The following POMT1 variants were observed in gnomAD, a reference collection of about 807,000 sequenced individuals.
The protein encoded by POMT1 is protein O-mannosyltransferase 1.
POMT1 carries 85 observed loss-of-function variants against 101.6 expected under a neutral mutation model. That is an observed-to-expected ratio of 0.84 (90% CI 0.70 to 1.00). The LOEUF (loss-of-function observed/expected upper bound fraction) is 1.00, where lower values mean the gene tolerates loss of function less well. POMT1 is among the 50% of genes least tolerant of loss of function. The pLI is 0.00. For synonymous variants in POMT1, 371 were observed against 383.0 expected (o/e 0.97, Z 0.37); for missense variants, 857 against 930.4 (o/e 0.92, Z 1.03).
intron 5 of POMT1, among the ~76,000 whole-genome samples, chr9:131,507,735 G>A (rs372677764): frequency 7.2e-5 from 11 of 152,200 alleles, no homozygotes; most frequent in South Asian, 2.1e-4. Context: ...TATGGCAGTA[G>A]AAAACTGCCC....
chr9:131,515,177 G>T (rs995395436), intron 12 of POMT1, among the ~76,000 whole-genome samples: 4 of 152,198 alleles, frequency 2.6e-5, no homozygotes, highest in Admixed American at 1.3e-4. Flanking sequence ...CAGGTGGAAG[G>T]TTCCACAGCA....
At position 131,511,422 on chromosome 9, in the gene POMT1, C is replaced by G. The variant is rs1350242052; in HGVS notation, c.941C>G (p.Pro314Arg). The G allele has an allele frequency of 6.2e-7, 1 of 1,614,216 alleles. No individual in the cohort carries two copies. Among genetic ancestry groups the G allele is most frequent in the African/African-American group, 1.3e-5 (1 of 75,066 alleles). ...QVTLRNVFGK[P>R]VPCWLHSHQD... ...ACTCTGAGGAACGTCTTTGGGAAAC[C>G]TGTGCCCTGCTGGCTTCATTCCCAC... The change falls in exon 10 of 20, where the codon CCT becomes CGT. Residue 314 changes from proline to arginine, a missense_variant. Pro to Arg is a moderately radical substitution (Grantham distance 103). Coordinates refer to ENST00000402686, the MANE Select transcript of POMT1 (RefSeq NM_001077365.2).
Position 131,504,414 on chromosome 9 carries a change from G to A in POMT1, c.122+74G>A, listed in dbSNP as rs143225437. 20 of 1,607,870 alleles carry A rather than the reference G, an allele frequency of 1.2e-5. No homozygotes were observed. In the East Asian group the frequency reaches 2.5e-4, roughly 20 times the overall value. On this transcript the variant is annotated intron_variant, in intron 2 of 19. Transcript: ENST00000402686. The stretch of plus-strand genomic sequence containing the variant: ...TGACAGGAGGCGCCCTTACTGAATA[G>A]CATAAATGGGAGAGTGAAATCCTGG...
intron 12 of POMT1, among the ~76,000 whole-genome samples, chr9:131,515,053 G>A (rs951461211): frequency 3.3e-5 from 5 of 152,236 alleles, no homozygotes; most frequent in African/African-American, 7.2e-5. Flanking sequence ...GCGCAGGGGC[G>A]GGCAGCTCAG....
intron 13 of POMT1, among the ~76,000 whole-genome samples, chr9:131,517,232 G>GT (rs1380339699): frequency 1.1e-4 from 9 of 82,342 alleles, no homozygotes; most frequent in Non-Finnish European, 2.4e-4. Context: ...ATCTGCTGAT[G>GT]TTCTTTTTTT....
chr9:131,520,278 C>A, intron 17 of POMT1, 85 bp downstream of exon 17: 1 of 1,165,826 alleles, frequency 8.6e-7, no homozygotes, highest in Non-Finnish European at 1.3e-6. Context: ...CCGCTGCACC[C>A]TAGAAAGTGC....
chr9:131,518,099 T>C (rs977136469), intron 13 of POMT1: 32 of 388,296 alleles, frequency 8.2e-5, no homozygotes, highest in African/African-American at 6.3e-4. Flanking sequence ...TCCTGCCAGA[T>C]AGGGACTGAG....
At chr9:131,507,859 T>C (rs1946198470) in intron 5 of POMT1, among the ~76,000 whole-genome samples, 1 of 152,188 alleles carries the variant, frequency 6.6e-6, no homozygotes, top group Non-Finnish European at 1.5e-5. Flanking sequence ...CCAATTGAGA[T>C]GGACTCGTGA....
Position 131,504,226 on chromosome 9 carries a change from G to A in POMT1, c.8G>A (p.Gly3Glu), listed in dbSNP as rs975217678. Reference sequence around the variant, plus strand: ...AGCCCGCTTTTCTACAAGATGTGGGGATTTTTGAAGCGCCCTGTAGTGGTG... The same window carrying A: ...AGCCCGCTTTTCTACAAGATGTGGGAATTTTTGAAGCGCCCTGTAGTGGTG... MW[G>E]FLKRPVVVTA... Residue 3 changes from glycine to glutamate, a missense_variant, in exon 2 of 20, where the codon GGA becomes GAA. Gly to Glu is a moderately conservative substitution (Grantham distance 98, BLOSUM62 -2). Transcript: ENST00000402686. 1 of 1,614,130 alleles carries A rather than the reference G, an allele frequency of 6.2e-7. No homozygotes were observed. The highest frequency in any genetic ancestry group is 1.3e-5 in the African/African-American group (1 of 75,032).
Position 131,510,310 on chromosome 9 carries a change from C to A in POMT1, c.750C>A (p.Ile250=), listed in dbSNP as rs768199793. The A allele has an allele frequency of 6.2e-7, 1 of 1,614,212 alleles. No individual in the cohort carries two copies. The highest frequency in any genetic ancestry group is 8.5e-7 in the Non-Finnish European group (1 of 1,180,038). The change falls in exon 9 of 20, where the codon ATC becomes ATA. Residue 250 remains isoleucine, a synonymous_variant. Coordinates refer to ENST00000402686, the MANE Select transcript of POMT1 (RefSeq NM_001077365.2). ...LLARAVALLV[I]PVVLYLLFFY... ...CCCGAGCAGTGGCTTTGCTGGTCATCCCGGTCGTCCTGTACTTACTGTTCT... is the reference window on the plus strand; with the variant it reads ...CCCGAGCAGTGGCTTTGCTGGTCATACCGGTCGTCCTGTACTTACTGTTCT...
chr9:131,523,457 C>G lies in POMT1; in HGVS notation c.*351C>G. 1 of 343,864 alleles carries G rather than the reference C, an allele frequency of 2.9e-6. No individual in the cohort carries two copies. Among genetic ancestry groups the G allele is most frequent in the Middle Eastern group, 1.0e-3 (1 of 972 alleles). The allele number at this position is 343,864 out of a possible 1,614,324, so 21.3% of individuals were successfully genotyped here. ...ACCAGGGCCTGGTCCTTGCTAACTG[C>G]TGCAGGGTGGAGTTTGATCTGGCAG... is the stretch of plus-strand genomic sequence containing the variant. On this transcript the variant is annotated 3_prime_UTR_variant, in exon 20 of 20. Transcript: ENST00000402686.
At chr9:131,514,419 C>T (rs1430958558) in intron 12 of POMT1, among the ~76,000 whole-genome samples, 1 of 152,262 alleles carries the variant, frequency 6.6e-6, no homozygotes, top group Non-Finnish European at 1.5e-5. Context: ...TCCCCCATGG[C>T]CCCTCTATGT....
chr9:131,521,605 C>A, intron 18 of POMT1, 133 bp downstream of exon 18: 2 of 1,109,616 alleles, frequency 1.8e-6, no homozygotes, highest in Non-Finnish European at 2.6e-6. Flanking sequence ...GCTAGGATTA[C>A]AGGTGTGCGC....
At position 131,522,924 on chromosome 9, in the gene POMT1, C is replaced by T. The variant is rs1950257826; in HGVS notation, c.2004-8C>T. The T allele has an allele frequency of 1.3e-6, 2 of 1,580,966 alleles. No individual in the cohort carries two copies. The highest frequency in any genetic ancestry group is 4.6e-5 in the East Asian group (2 of 43,828). Reference sequence around the variant, plus strand: ...CCACCCTCCCCCACGCTGCTCTGACCTCTGCAGGTCCCAGCTCCAGAGGAG... The same window carrying T: ...CCACCCTCCCCCACGCTGCTCTGACTTCTGCAGGTCCCAGCTCCAGAGGAG... On this transcript the variant is annotated splice_polypyrimidine_tract_variant and splice_region_variant and intron_variant, in intron 19 of 19. Transcript: ENST00000402686. The surrounding 1 kb of genome is among the most constrained non-coding windows in gnomAD (Gnocchi z 5.5).
At chr9:131,504,747 A>ATATATGTGTGTGTG (rs56692415) in intron 2 of POMT1, among the ~76,000 whole-genome samples, 3 of 122,700 alleles carry the variant, frequency 2.4e-5, no homozygotes, top group Non-Finnish European at 5.0e-5. Context: ...TAACTGATTA[A>ATATATGTGTGTGTG]TGTGTGTATG....
rs376753193 is a variant in POMT1, at chr9:131,504,345, G to A, written c.122+5G>A. On this transcript the variant is annotated splice_donor_5th_base_variant and intron_variant, in intron 2 of 19. Coordinates refer to ENST00000402686, the MANE Select transcript of POMT1 (RefSeq NM_001077365.2). ...CACCTACCCGCGGGCTGTGGTGTAA[G>A]CTAAATGACTCCATTCCCAGGGTGA... The A allele has an allele frequency of 1.7e-5, 27 of 1,614,214 alleles. No individual in the cohort carries two copies. Among genetic ancestry groups the A allele is most frequent in the Non-Finnish European group, 2.2e-5 (26 of 1,180,034 alleles).
intron 17 of POMT1, among the ~76,000 whole-genome samples, chr9:131,520,836 T>C (rs2131894016): frequency 6.6e-6 from 1 of 152,244 alleles, no homozygotes; most frequent in South Asian, 2.1e-4. Context: ...GCTGTGTGTG[T>C]GTGTGTATGT....
intron 5 of POMT1, among the ~76,000 whole-genome samples, chr9:131,508,622 C>T (rs1222194391): frequency 6.6e-6 from 1 of 152,174 alleles, no homozygotes; most frequent in Non-Finnish European, 1.5e-5. Context: ...TCCCTTGAGC[C>T]CTGGTGGTCA....
At chr9:131,510,220 C>G (rs1327409191) in intron 8 of POMT1, 40 bp from the exon 9 acceptor site, 3 of 1,613,842 alleles carry the variant, frequency 1.9e-6, no homozygotes, top group Non-Finnish European at 1.7e-6. Flanking sequence ...GTACGCTTTT[C>G]CACGCAGTGG....
Sources: allele counts gnomAD v4.1 joint callset (sites outside exome capture counted in the v4.1 genomes callset), GRCh38; gene constraint gnomAD v4.1.1; non-coding constraint Gnocchi (gnomAD v3.1); transcripts MANE v1.5; gene names NCBI Gene and HGNC (gene_info 2026-07-23, HGNC 2026-07-21).